VPS53: variants seen among roughly 807,000 people sequenced by gnomAD.
VPS53 encodes vacuolar protein sorting-associated protein 53 homolog.
VPS53 carries 70 observed loss-of-function variants against 107.0 expected under a neutral mutation model. The observed-to-expected ratio is 0.65, with a 90% confidence interval of 0.54 to 0.80. The LOEUF (loss-of-function observed/expected upper bound fraction) is 0.80. VPS53 is among the 30% of genes least tolerant of loss of function. The pLI is 0.00. For synonymous variants in VPS53, 409 were observed against 393.3 expected, an observed-to-expected ratio of 1.04 and a Z score of -0.47; for missense variants, 917 against 1,049.4, an observed-to-expected ratio of 0.87 and a Z score of 1.74.
At chr17:612,964 GAAAAC>G (rs1832356636) in intron 11 of VPS53, among the ~76,000 whole-genome samples, 1 of 149,496 alleles carries the variant, frequency 6.7e-6, no homozygotes, top group African/African-American at 2.5e-5. Context: ...TTCACACAGT[GAAAAC>G]CTGTACAAAT....
At chr17:585,725 G>A (rs1309897429) in intron 13 of VPS53, among the ~76,000 whole-genome samples, 4 of 152,096 alleles carry the variant, frequency 2.6e-5, no homozygotes, top group East Asian at 1.9e-4. Flanking sequence ...ATCTGACAAC[G>A]AAATGCATGA....
At chr17:592,648 GA>G (rs1967728219) in intron 12 of VPS53, among the ~76,000 whole-genome samples, 1 of 152,172 alleles carries the variant, frequency 6.6e-6, no homozygotes, top group South Asian at 2.1e-4. Context: ...CTTCACTTAT[GA>G]AGCTTAGTTT....
intron 13 of VPS53, 85 bp downstream of exon 13, chr17:586,185 G>T: frequency 8.1e-7 from 1 of 1,239,630 alleles, no homozygotes; most frequent in Non-Finnish European, 1.2e-6. Flanking sequence ...TTTCAGCCCC[G>T]GAAGGAGCTG....
At chr17:665,539 T>G (rs1479872462) in intron 4 of VPS53, among the ~76,000 whole-genome samples, 1 of 152,046 alleles carries the variant, frequency 6.6e-6, no homozygotes, top group Admixed American at 6.6e-5. Flanking sequence ...TGGAGCTGGG[T>G]GATGGACAGA....
At chr17:563,066 G>T (rs1253685042) in intron 13 of VPS53, among the ~76,000 whole-genome samples, 1 of 152,116 alleles carries the variant, frequency 6.6e-6, no homozygotes, top group African/African-American at 2.4e-5. Context: ...CCCGCTAAAA[G>T]ATGAGAAAAT....
chr17:574,461 T>A (rs529061248), intron 13 of VPS53, among the ~76,000 whole-genome samples: 1 of 152,282 alleles, frequency 6.6e-6, no homozygotes, highest in South Asian at 2.1e-4. Context: ...ACCTCAGACA[T>A]GTGCTTTAAA....
intron 12 of VPS53, among the ~76,000 whole-genome samples, chr17:598,386 G>T (rs926505020): frequency 6.9e-6 from 1 of 145,766 alleles, no homozygotes; most frequent in East Asian, 2.1e-4. Context: ...CCACCACCCC[G>T]TCTGGGAAGT....
At chr17:586,513 C>A in intron 12 of VPS53, 149 bp from the exon 13 acceptor site, 1 of 770,954 alleles carries the variant, frequency 1.3e-6, no homozygotes. Flanking sequence ...TCACCATTCA[C>A]CCTGGCAGGT....
chr17:677,963 CA>C (rs35574292), intron 4 of VPS53, among the ~76,000 whole-genome samples: 1 of 151,394 alleles, frequency 6.6e-6, no homozygotes, highest in African/African-American at 2.4e-5. Flanking sequence ...ACGAGAAATA[CA>C]AAAAAAATTA....
chr17:542,263 G>A (rs184865340), intron 17 of VPS53, among the ~76,000 whole-genome samples: 8 of 152,314 alleles, frequency 5.3e-5, no homozygotes, highest in Admixed American at 5.2e-4. Flanking sequence ...AAACAGGATT[G>A]AGGACAGCGA....
intron 15 of VPS53, among the ~76,000 whole-genome samples, chr17:555,477 G>A (rs1012970073): frequency 4.6e-5 from 7 of 152,074 alleles, no homozygotes; most frequent in Non-Finnish European, 7.4e-5. Flanking sequence ...GATTACAGAC[G>A]TGAGCCACCA....
chr17:598,826 G>A (rs1968144656), intron 12 of VPS53, among the ~76,000 whole-genome samples: 1 of 114,366 alleles, frequency 8.7e-6, no homozygotes, highest in South Asian at 3.4e-4. Flanking sequence ...TCTGGGAAGT[G>A]AGGAGCGTCT....
chr17:532,736 G>T (rs1909689881), intron 19 of VPS53, 106 bp downstream of exon 19: 23 of 1,524,086 alleles, frequency 1.5e-5, no homozygotes, highest in South Asian at 4.9e-5. Context: ...CCAAACAGGG[G>T]ACATCATCAA....
intron 7 of VPS53, among the ~76,000 whole-genome samples, chr17:643,176 T>G (rs1376160586): frequency 2.6e-5 from 2 of 78,428 alleles, no homozygotes; most frequent in African/African-American, 9.3e-5. Flanking sequence ...CACTCATACT[T>G]GGAAAGCGAG....
intron 2 of VPS53, among the ~76,000 whole-genome samples, chr17:700,875 G>A (rs1269846023): frequency 6.6e-6 from 1 of 152,194 alleles, no homozygotes; most frequent in Admixed American, 6.5e-5. Context: ...CTGATGGGAG[G>A]AGGAGGCCAG....
intron 18 of VPS53, among the ~76,000 whole-genome samples, chr17:536,110 C>A (rs953134092): frequency 6.6e-6 from 1 of 152,120 alleles, no homozygotes. Context: ...AGATGGTGAT[C>A]GGCAAAGAAC....
intron 2 of VPS53, among the ~76,000 whole-genome samples, chr17:709,171 G>C (rs1401517510): frequency 7.1e-6 from 1 of 140,176 alleles, no homozygotes; most frequent in Admixed American, 7.2e-5. Flanking sequence ...AACCTGCCTG[G>C]TATCACGGCG....
chr17:633,232 G>A (rs150886829), intron 7 of VPS53, among the ~76,000 whole-genome samples: 5 of 152,234 alleles, frequency 3.3e-5, no homozygotes, highest in African/African-American at 9.6e-5. Context: ...CCCCACAATC[G>A]ATCGCATGCT....
chr17:668,780 T>A (rs182892840), intron 4 of VPS53, among the ~76,000 whole-genome samples: 235 of 152,186 alleles, frequency 1.5e-3, no homozygotes, highest in African/African-American at 4.4e-3. Flanking sequence ...TACACTTAGG[T>A]CTCACATATG....
Sources: gnomAD v4.1 joint callset for allele counts (sites outside exome capture counted in the v4.1 genomes callset) on GRCh38, gnomAD v4.1.1 for gene constraint, MANE v1.5 for transcripts, NCBI Gene and HGNC (gene_info 2026-07-23, HGNC 2026-07-21) for gene names.